Variants in CSMD1 observed in about 807,000 individuals in gnomAD.
CSMD1 encodes CUB and Sushi multiple domains 1.
A neutral mutation model predicts 417.5 loss-of-function variants in CSMD1; 213 were observed. The observed-to-expected ratio is 0.51, with a 90% CI of 0.46 to 0.57. The LOEUF is 0.57. CSMD1 is among the 20% of genes least tolerant of loss of function. The pLI, the probability that CSMD1 is intolerant of heterozygous loss-of-function variation, is 0.00. For synonymous variants in CSMD1, 2,862 were observed against 1,736.8 expected (o/e 1.65, Z -16.11); for missense variants, 6,923 against 4,529.7 (o/e 1.53, Z -15.17).
intron 5 of CSMD1, among the ~76,000 whole-genome samples, chr8:3,920,287 A>C (rs897641246): frequency 6.6e-6 from 1 of 151,958 alleles, no homozygotes; most frequent in Non-Finnish European, 1.5e-5. Context: ...CACCCACTTC[A>C]ACCTCCCAAA....
At chr8:3,454,383 A>T (rs990105827) in intron 12 of CSMD1, among the ~76,000 whole-genome samples, 30 of 152,248 alleles carry the variant, frequency 2.0e-4, no homozygotes, top group African/African-American at 7.0e-4. Context: ...TTTGCTTGTT[A>T]GTTGAGGCAG....
chr8:3,839,419 T>C (rs1272953951), intron 5 of CSMD1, among the ~76,000 whole-genome samples: 1 of 120,278 alleles, frequency 8.3e-6, no homozygotes, highest in Non-Finnish European at 1.6e-5. Flanking sequence ...AAAAAATAAA[T>C]ATATATAATA....
chr8:3,387,451 C>G, intron 18 of CSMD1, 43 bp downstream of exon 18: 3 of 1,518,808 alleles, frequency 2.0e-6, no homozygotes, highest in Non-Finnish European at 2.7e-6. Flanking sequence ...TGCGCTGTCT[C>G]TGCACACCCT....
chr8:4,389,778 C>G (rs1024578475), intron 3 of CSMD1, among the ~76,000 whole-genome samples: 1 of 151,970 alleles, frequency 6.6e-6, no homozygotes, highest in East Asian at 1.9e-4. Flanking sequence ...ATTTTTGAAA[C>G]CTATTAAAAA....
At chr8:3,913,464 G>C (rs1228836534) in intron 5 of CSMD1, among the ~76,000 whole-genome samples, 1 of 152,164 alleles carries the variant, frequency 6.6e-6, no homozygotes, top group African/African-American at 2.4e-5. Flanking sequence ...CTCCAGACTG[G>C]AAGAAGCAAG....
chr8:4,365,209 T>G (rs13265164), intron 3 of CSMD1, among the ~76,000 whole-genome samples: 62,502 of 152,000 alleles, frequency 0.41, 15,975 homozygotes, highest in African/African-American at 0.73. Flanking sequence ...CTTGTCTATA[T>G]ATAAAAAAAG....
At chr8:3,722,113 C>A (rs1174259727) in intron 6 of CSMD1, among the ~76,000 whole-genome samples, 2 of 152,092 alleles carry the variant, frequency 1.3e-5, no homozygotes, top group African/African-American at 2.4e-5. Context: ...GAGGCCGAGG[C>A]AGGTGGATCA....
chr8:3,226,381 G>T (rs777200879), intron 27 of CSMD1, among the ~76,000 whole-genome samples: 2 of 152,070 alleles, frequency 1.3e-5, no homozygotes, highest in Non-Finnish European at 2.9e-5. Flanking sequence ...GCAGGAGTTC[G>T]AGACCAGTCT....
intron 5 of CSMD1, among the ~76,000 whole-genome samples, chr8:3,854,163 A>T (rs1008406802): frequency 5.5e-5 from 8 of 145,222 alleles, no homozygotes; most frequent in African/African-American, 1.5e-4. Flanking sequence ...TAATAATAAA[A>T]AAAAAAAAAC....
rs531286298 is a variant in CSMD1 at position 4,328,099 on chromosome 8, T to C, written c.415+91854A>G. On this transcript the variant is annotated intron_variant, in intron 3 of 69. Transcript: ENST00000635120. ...TTTACATGATATGTAACAGAAACTATGCAAACAAGTCACTATGTCCATTTA... is the reference window on the plus strand; with the variant it reads ...TTTACATGATATGTAACAGAAACTACGCAAACAAGTCACTATGTCCATTTA... Among the ~76,000 whole-genome samples, 26 of 152,270 alleles carry C rather than the reference T, an allele frequency of 1.7e-4. 1 individual carries two copies. Among genetic ancestry groups the C allele is most frequent in the African/African-American group, 4.1e-4 (17 of 41,576 alleles).
intron 4 of CSMD1, 71 bp from the exon 5 acceptor site, chr8:3,998,181 G>C: frequency 6.0e-6 from 8 of 1,342,588 alleles, no homozygotes; most frequent in South Asian, 5.4e-5. Flanking sequence ...TGTCCACCAA[G>C]TGTCACTCTT....
In CSMD1 at chr8:4,032,078, C is replaced by T; in HGVS notation, c.437G>A (p.Gly146Glu). The T allele has an allele frequency of 6.2e-7, 1 of 1,612,440 alleles. No individual in the cohort carries two copies. The highest frequency in any genetic ancestry group is 8.5e-7 in the Non-Finnish European group (1 of 1,178,996). Residue 146 changes from glycine (G) to glutamate (E), a missense_variant, in exon 4 of 70, where the codon GGA (glycine) becomes GAA (glutamate). Gly to Glu is a moderately conservative substitution (Grantham distance 98, BLOSUM62 -2). Coordinates refer to ENST00000635120, the MANE Select transcript of CSMD1 (RefSeq NM_033225.6). ...TCCTTTCAGGATTTCTCCAGGATTT[C>T]CACAAGTGTGGCTAGGTAAAACTAT... ...LYEVLPSHTC[G>E]NPGEILKGVL...
chr8:4,502,459 A>G (rs1027054806), intron 2 of CSMD1, among the ~76,000 whole-genome samples: 4 of 152,136 alleles, frequency 2.6e-5, no homozygotes, highest in Admixed American at 1.3e-4. Flanking sequence ...CGAAATAGTA[A>G]TATTTCTCCA....
At chr8:3,690,807 C>T (rs2624075) in intron 7 of CSMD1, among the ~76,000 whole-genome samples, 144,200 of 152,304 alleles carry the variant, frequency 0.95, 68,346 homozygotes, top group East Asian at 1. Context: ...TAGTCATATT[C>T]TAATTTTCTA....
chr8:4,148,653 G>A (rs903890905), intron 3 of CSMD1, among the ~76,000 whole-genome samples: 3 of 152,144 alleles, frequency 2.0e-5, no homozygotes, highest in Admixed American at 2.0e-4. Flanking sequence ...CTTGTGGATG[G>A]CAGAGAGAGG....
chr8:4,142,612 C>T (rs993308645), intron 3 of CSMD1, among the ~76,000 whole-genome samples: 5 of 151,084 alleles, frequency 3.3e-5, no homozygotes, highest in Admixed American at 6.6e-5. Flanking sequence ...AGCTTAGCAG[C>T]ACTGGCTCTG....
At position 4,345,135 on chromosome 8, in the gene CSMD1, G is replaced by A. The variant is rs755580460; in HGVS notation, c.415+74818C>T. ...GGGAGCTAAACCTGTCAGTAATTTC[G>A]GATTCAAGAAGCAGAAAACAGTGGA... On this transcript the variant is annotated intron_variant, in intron 3 of 69. Coordinates refer to ENST00000635120, the MANE Select transcript of CSMD1 (RefSeq NM_033225.6). 7.9e-5 allele frequency among the ~76,000 whole-genome samples: 12 copies of A among 152,138 alleles called. No individual in the cohort carries two copies. The South Asian group carries it at 2.1e-3, about 26-fold the overall frequency.
At chr8:4,274,042 G>C (rs1014051298) in intron 3 of CSMD1, among the ~76,000 whole-genome samples, 1 of 152,130 alleles carries the variant, frequency 6.6e-6, no homozygotes, top group East Asian at 1.9e-4. Context: ...AATAAATGCA[G>C]AGTTGAAGTA....
Position 2,937,174 on chromosome 8 carries a change from C to T in CSMD1, c.*1411G>A, listed in dbSNP as rs1801540470. The stretch of plus-strand genomic sequence containing the variant: ...GGGATCTTATAGATTTTATTTGCAT[C>T]ATAACTTATCATTTACCTATAATGG... On this transcript the variant is annotated 3_prime_UTR_variant, in exon 70 of 70. Transcript: ENST00000635120. 6.6e-6 allele frequency: 1 copy of T among 152,078 alleles called. No individual in the cohort carries two copies. The highest frequency in any genetic ancestry group is 2.4e-5 in the African/African-American group (1 of 41,402). 9.4% of individuals were successfully genotyped at this position (152,078 alleles called of 1,614,324 possible).
Sources: gnomAD v4.1 joint callset for allele counts (sites outside exome capture counted in the v4.1 genomes callset) on GRCh38, gnomAD v4.1.1 for gene constraint, MANE v1.5 for transcripts, NCBI Gene and HGNC (gene_info 2026-07-23, HGNC 2026-07-21) for gene names.